VPS33B: variants seen among roughly 807,000 people sequenced by gnomAD.
VPS33B encodes the protein VPS33B late endosome and lysosome associated.
Under a neutral mutation model 95.3 loss-of-function variants are expected in VPS33B, and 80 were observed. The observed-to-expected ratio is 0.84, with a 90% CI of 0.70 to 1.01. The LOEUF (loss-of-function observed/expected upper bound fraction) is 1.01. Ranked by LOEUF, VPS33B falls within the 50% of genes least tolerant of loss-of-function variation. The pLI, the probability that VPS33B is intolerant of heterozygous loss-of-function variation, is 0.00. For synonymous variants in VPS33B, 280 were observed against 280.4 expected, an observed-to-expected ratio of 1.00 and a Z score of 0.01; for missense variants, 715 against 773.4, an observed-to-expected ratio of 0.92 and a Z score of 0.90.
rs1425484840 is a variant in VPS33B, at chr15:91,007,395, T to C, written c.603+74A>G. On this transcript the variant is annotated intron_variant, in intron 8 of 22. Transcript: ENST00000333371. This position sits in a 1 kb window ranked among gnomAD's most constrained non-coding sequence, Gnocchi z 5.3. ...AATACACCTCATATCACAGGTGCCC[T>C]TGGATAACCCCAGGAGGGTACAGAA... 7.0e-7 allele frequency: 1 copy of C among 1,424,040 alleles called. No individual in the cohort carries two copies. Among genetic ancestry groups the C allele is most frequent in the African/African-American group, 1.4e-5 (1 of 70,874 alleles). 88.2% of individuals were successfully genotyped at this position (1,424,040 alleles called of 1,614,324 possible).
At position 90,999,773 on chromosome 15, in the gene VPS33B, C is replaced by G. The variant is rs772540092; in HGVS notation, c.1678G>C (p.Ala560Pro). The change falls in exon 22 of 23, where the codon GCT becomes CCT. Residue 560 changes from alanine to proline, a missense_variant. By Grantham distance (27) the Ala-to-Pro change is conservative (BLOSUM62 -1). Transcript: ENST00000333371. This position sits in a 1 kb window ranked among gnomAD's most constrained non-coding sequence, Gnocchi z 5.1. ...AFTDMTKEDKASSESLRLILV... is the reference protein window; with the variant it reads ...AFTDMTKEDKPSSESLRLILV... ...ATGAGGCGCAGGGACTCACTGGAAG[C>G]CTTGTCTTCCTTAGTCATATCTGTG... 7 of 1,614,066 alleles carry G rather than the reference C, an allele frequency of 4.3e-6. No homozygotes were observed.
Position 91,002,501 on chromosome 15 carries a change from C to T in VPS33B, c.1273-319G>A, listed in dbSNP as rs1054664228. On this transcript the variant is annotated intron_variant, in intron 17 of 22. Coordinates refer to ENST00000333371, the MANE Select transcript of VPS33B (RefSeq NM_018668.5). The surrounding 1 kb of genome is among the most constrained non-coding windows in gnomAD (Gnocchi z 4.7). ...CAAAAATTAGATGGGCATGGTGGCT[C>T]GTGCCTGTAGTCTCAGCTCCTCAGG... Among the ~76,000 whole-genome samples, 8 of 151,900 alleles carry T rather than the reference C, an allele frequency of 5.3e-5. No individual in the cohort carries two copies. Among genetic ancestry groups the T allele is most frequent in the Non-Finnish European group, 7.4e-5 (5 of 67,968 alleles).
Position 91,013,853 on chromosome 15 carries a change from T to C in VPS33B, c.308A>G (p.Lys103Arg). The C allele has an allele frequency of 6.2e-7, 1 of 1,614,098 alleles. No homozygotes were observed. Among genetic ancestry groups the C allele is most frequent in the Non-Finnish European group, 8.5e-7 (1 of 1,179,990 alleles). ...RYIASLVNAD[K>R]LAGRTRKYKV... ...GTATTTGCGAGTTCGGCCAGCCAAT[T>C]TGTCAGCATTGACAAGACCTACAGA... The change falls in exon 5 of 23, where the codon AAA (lysine) becomes AGA (arginine). Residue 103 changes from lysine to arginine, a missense_variant. Physicochemically the swap from Lys to Arg is conservative, Grantham distance 26. Transcript: ENST00000333371. The surrounding 1 kb of genome is among the most constrained non-coding windows in gnomAD (Gnocchi z 4.5).
rs2040724461 is a variant in VPS33B at position 91,009,656 on chromosome 15, C to A, written c.403+145G>T. 5 of 875,460 alleles carry A rather than the reference C, an allele frequency of 5.7e-6. No homozygotes were observed. The highest frequency in any genetic ancestry group is 7.2e-6 in the Non-Finnish European group (4 of 552,194). 54.2% of individuals were successfully genotyped at this position (875,460 alleles called of 1,614,324 possible). ...CTATTCCCATTCCCATTCTCAGGAA[C>A]CTCTCCTCCTGCTACACTAACAGGA... On this transcript the variant is annotated intron_variant, in intron 6 of 22. Coordinates refer to ENST00000333371, the MANE Select transcript of VPS33B (RefSeq NM_018668.5). This position sits in a 1 kb window ranked among gnomAD's most constrained non-coding sequence, Gnocchi z 4.1.
chr15:91,016,181 C>T (rs957493577), intron 3 of VPS33B, among the ~76,000 whole-genome samples: 3 of 151,712 alleles, frequency 2.0e-5, no homozygotes, highest in African/African-American at 7.3e-5. Flanking sequence ...TCAGGCAGAG[C>T]GAATGGAGTG....
Position 91,006,838 on chromosome 15 carries a change from C to G in VPS33B, c.701-109G>C. Reference sequence around the variant, plus strand: ...CATAGGGCCAAGGACCCACGCTCCTCAAAGCTGGGATTCACAGCCCTAACT... The same window carrying G: ...CATAGGGCCAAGGACCCACGCTCCTGAAAGCTGGGATTCACAGCCCTAACT... On this transcript the variant is annotated intron_variant, in intron 9 of 22. Transcript: ENST00000333371. This position sits in a 1 kb window ranked among gnomAD's most constrained non-coding sequence, Gnocchi z 5.4. 1 of 1,586,924 alleles carries G rather than the reference C, an allele frequency of 6.3e-7. No homozygotes were observed.
chr15:90,999,663 C>G lies in VPS33B; in HGVS notation c.1774+14G>C. 6.2e-7 allele frequency: 1 copy of G among 1,613,370 alleles called. No individual in the cohort carries two copies. Among genetic ancestry groups the G allele is most frequent in the Non-Finnish European group, 8.5e-7 (1 of 1,179,358 alleles). Reference sequence around the variant, plus strand: ...ACAATGCAGGCCAATTCTCACCTTTCTGCTCTCTCTTACCTTTCTCTCTGC... The same window carrying G: ...ACAATGCAGGCCAATTCTCACCTTTGTGCTCTCTCTTACCTTTCTCTCTGC... On this transcript the variant is annotated intron_variant, in intron 22 of 22. Transcript: ENST00000333371. The surrounding 1 kb of genome is among the most constrained non-coding windows in gnomAD (Gnocchi z 5.1).
chr15:91,001,542 C>T (rs537018800), intron 18 of VPS33B, 80 bp from the exon 19 acceptor site: 27 of 1,161,972 alleles, frequency 2.3e-5, no homozygotes, highest in East Asian at 7.1e-5. Context: ...ATTCAGGACA[C>T]GACAGCACCA....
Position 91,002,539 on chromosome 15 carries a change from A to C in VPS33B, c.1273-357T>G, listed in dbSNP as rs1039483151. ...TCAGCTCCTCAGGAGGCTGAGGCAC[A>C]GAAATGCTTGAACCTAGGAGGCAGA... On this transcript the variant is annotated intron_variant, in intron 17 of 22. Transcript: ENST00000333371. This position sits in a 1 kb window ranked among gnomAD's most constrained non-coding sequence, Gnocchi z 4.7. Among the ~76,000 whole-genome samples the C allele has an allele frequency of 5.9e-5, 9 of 152,008 alleles. No individual in the cohort carries two copies. Among genetic ancestry groups the C allele is most frequent in the African/African-American group, 2.2e-4 (9 of 41,398 alleles).
Position 91,008,230 on chromosome 15 carries a change from A to G in VPS33B, c.404-266T>C, listed in dbSNP as rs113865721. Among the ~76,000 whole-genome samples, 3,290 of 152,288 alleles carry G rather than the reference A, an allele frequency of 0.022. 121 individuals are homozygous for G. The highest frequency in any genetic ancestry group is 0.076 in the African/African-American group (3,151 of 41,552). ...GTGGTGGGTTTTTACTAGAGGGCTG[A>G]CCAAAAGTGCCGAGAAAACATTCAT... On this transcript the variant is annotated intron_variant, in intron 6 of 22. Coordinates refer to ENST00000333371, the MANE Select transcript of VPS33B (RefSeq NM_018668.5).
At chr15:91,020,750 G>A (rs556990102) in intron 1 of VPS33B, among the ~76,000 whole-genome samples, 16 of 152,186 alleles carry the variant, frequency 1.1e-4, no homozygotes, top group Middle Eastern at 3.4e-3. Context: ...GTGGGCTAGC[G>A]TGCGCCTGTA....
chr15:91,012,823 T>A (rs2040817402), intron 5 of VPS33B, among the ~76,000 whole-genome samples: 1 of 152,218 alleles, frequency 6.6e-6, no homozygotes, highest in Non-Finnish European at 1.5e-5. Context: ...ACTGCAATTA[T>A]TGAGTTAAAG....
Position 91,018,440 on chromosome 15 carries a change from A to C in VPS33B, c.97-555T>G, listed in dbSNP as rs2151685157. 6.6e-6 allele frequency among the ~76,000 whole-genome samples: 1 copy of C among 152,262 alleles called. No individual in the cohort carries two copies. The highest frequency in any genetic ancestry group is 2.1e-4 in the South Asian group (1 of 4,820). On this transcript the variant is annotated intron_variant, in intron 1 of 22. Coordinates refer to ENST00000333371, the MANE Select transcript of VPS33B (RefSeq NM_018668.5). The surrounding 1 kb of genome is among the most constrained non-coding windows in gnomAD (Gnocchi z 4.7). ...CCGATCTCAATGTCTGTTCAGAGGAAGGAGAGGTCACAGTTAGTGACAGGG... is the reference window on the plus strand; with the variant it reads ...CCGATCTCAATGTCTGTTCAGAGGACGGAGAGGTCACAGTTAGTGACAGGG...
chr15:91,022,190 C>T lies in VPS33B; in HGVS notation c.60G>A (p.Arg20=). ...PELPDFSMLK[R]LARDQLIYLL... Reference sequence around the variant, plus strand: ...GATAGATGAGCTGGTCTCGAGCCAGCCTCTTCAGCATGGAGAAGTCAGGCA... The same window carrying T: ...GATAGATGAGCTGGTCTCGAGCCAGTCTCTTCAGCATGGAGAAGTCAGGCA... The change falls in exon 1 of 23, where the codon AGG becomes AGA. Residue 20 remains arginine (R), a synonymous_variant. Coordinates refer to ENST00000333371, the MANE Select transcript of VPS33B (RefSeq NM_018668.5). The T allele has an allele frequency of 6.3e-7, 1 of 1,583,176 alleles. No homozygotes were observed.
At position 91,002,352 on chromosome 15, in the gene VPS33B, C is replaced by T. The variant is rs1452214314; in HGVS notation, c.1273-170G>A. 2.0e-5 allele frequency among the ~76,000 whole-genome samples: 3 copies of T among 152,144 alleles called. No homozygotes were observed. The highest frequency in any genetic ancestry group is 2.1e-4 in the South Asian group (1 of 4,830). On this transcript the variant is annotated intron_variant, in intron 17 of 22. Coordinates refer to ENST00000333371, the MANE Select transcript of VPS33B (RefSeq NM_018668.5). The surrounding 1 kb of genome is among the most constrained non-coding windows in gnomAD (Gnocchi z 4.7). ...AGAAATAACCAAACAGGGCTGGGAGCGGTGGCTCATGCCTGTAATCCCAGC... is the reference window on the plus strand; with the variant it reads ...AGAAATAACCAAACAGGGCTGGGAGTGGTGGCTCATGCCTGTAATCCCAGC...
rs372605784 is a variant in VPS33B, at chr15:91,000,373, G to A, written c.1581+117C>T. ...GATCGTGCCACCGCACTCCAGCCTG[G>A]GTGACAGAGCAAGACTCCATCTCAA... On this transcript the variant is annotated intron_variant, in intron 20 of 22. Coordinates refer to ENST00000333371, the MANE Select transcript of VPS33B (RefSeq NM_018668.5). This position sits in a 1 kb window ranked among gnomAD's most constrained non-coding sequence, Gnocchi z 4.9. 6.0e-5 allele frequency: 58 copies of A among 959,046 alleles called. No individual in the cohort carries two copies. In the African/African-American group the frequency reaches 8.3e-4, roughly 14 times the overall value. The allele number at this position is 959,046 out of a possible 1,614,324, so 59.4% of individuals were successfully genotyped here.
At position 91,006,017 on chromosome 15, in the gene VPS33B, CAA is replaced by C. The variant is rs1338682035; in HGVS notation, c.893_894del (p.Phe298TrpfsTer15). ...TTCCGGGCCTTCTGGCTCAAGAAGC[CAA>C]AGACATTGGAGAAGTGCTCGTTCCG... ...EIRNEHFSNV[F>X]GFLSQKARNL... On this transcript the variant is annotated frameshift_variant, in exon 12 of 23. Coordinates refer to ENST00000333371, the MANE Select transcript of VPS33B (RefSeq NM_018668.5). LOFTEE classifies it high-confidence loss of function. The surrounding 1 kb of genome is among the most constrained non-coding windows in gnomAD (Gnocchi z 5.4). 1.9e-6 allele frequency: 3 copies of C among 1,614,044 alleles called. No individual in the cohort carries two copies. In the African/African-American group the frequency reaches 4.0e-5, roughly 22 times the overall value.
Position 91,006,774 on chromosome 15 carries a change from C to T in VPS33B, c.701-45G>A, listed in dbSNP as rs181971600. 1,009 of 1,611,190 alleles carry T rather than the reference C, an allele frequency of 6.3e-4. 8 individuals carry two copies. In the African/African-American group the frequency reaches 0.011, roughly 18 times the overall value. On this transcript the variant is annotated intron_variant, in intron 9 of 22. Transcript: ENST00000333371. The surrounding 1 kb of genome is among the most constrained non-coding windows in gnomAD (Gnocchi z 5.4). ...CCATGAAGGTTCTCCCTGACCCAGCCTTCTACACAGCATGTCCAAGGGCAG... is the reference window on the plus strand; with the variant it reads ...CCATGAAGGTTCTCCCTGACCCAGCTTTCTACACAGCATGTCCAAGGGCAG...
chr15:91,001,081 C>A (rs1320528463), intron 19 of VPS33B: 2 of 374,240 alleles, frequency 5.3e-6, no homozygotes, highest in Non-Finnish European at 1.0e-5. Flanking sequence ...TTTGGGAGGC[C>A]GAGGTGGGCG....
Sources: gnomAD v4.1 joint callset for allele counts (sites outside exome capture counted in the v4.1 genomes callset) on GRCh38, gnomAD v4.1.1 for gene constraint, Gnocchi (gnomAD v3.1) non-coding constraint, MANE v1.5 for transcripts, NCBI Gene and HGNC (gene_info 2026-07-23, HGNC 2026-07-21) for gene names.